PHKG1: variants seen among roughly 807,000 people sequenced by gnomAD.
The protein encoded by PHKG1 is phosphorylase kinase catalytic subunit gamma 1, also known as phosphorylase b kinase gamma catalytic chain, skeletal muscle/heart isoform.
In PHKG1, 48 loss-of-function variants were observed where a neutral mutation model predicts 50.5. That is an observed-to-expected ratio of 0.95 (90% CI 0.75 to 1.21). The LOEUF (loss-of-function observed/expected upper bound fraction) is 1.21, where lower values mean the gene tolerates loss of function less well. PHKG1 is among the 50% of genes most tolerant of loss of function. The pLI is 0.00. For missense variants in PHKG1, 487 were observed against 519.5 expected, an observed-to-expected ratio of 0.94 and a Z score of 0.61; for synonymous variants, 204 against 212.8, an observed-to-expected ratio of 0.96 and a Z score of 0.36.
At position 56,081,612 on chromosome 7, in the gene PHKG1, G is replaced by C; in HGVS notation, c.918+18C>G. The C allele has an allele frequency of 6.2e-7, 1 of 1,612,526 alleles. No homozygotes were observed. Among genetic ancestry groups the C allele is most frequent in the Non-Finnish European group, 8.5e-7 (1 of 1,179,392 alleles). Reference sequence around the variant, plus strand: ...TGCACTTAGGGAGCTGGCGGGCCTGGATCAGGACGCTTAGTACCTTGAACT... The same window carrying C: ...TGCACTTAGGGAGCTGGCGGGCCTGCATCAGGACGCTTAGTACCTTGAACT... On this transcript the variant is annotated intron_variant, in intron 9 of 9. Transcript: ENST00000297373. This position sits in a 1 kb window ranked among gnomAD's most constrained non-coding sequence, Gnocchi z 4.6.
chr7:56,088,524 TAA>T (rs59230050), intron 2 of PHKG1: 305 of 147,232 alleles, frequency 2.1e-3, no homozygotes, highest in South Asian at 5.9e-3. Flanking sequence ...GACCCTATCT[TAA>T]AAAAAAAAAA....
chr7:56,083,625 GA>G, intron 5 of PHKG1, 24 bp downstream of exon 5: 1 of 1,565,532 alleles, frequency 6.4e-7, no homozygotes. Flanking sequence ...GGAGGGAGCG[GA>G]GAGAAGGGCA....
At position 56,081,031 on chromosome 7, in the gene PHKG1, GCCCT is replaced by G. The variant is rs1478664616; in HGVS notation, c.*19_*22del. 6.3e-7 allele frequency: 1 copy of G among 1,596,198 alleles called. No homozygotes were observed. Among genetic ancestry groups the G allele is most frequent in the East Asian group, 2.2e-5 (1 of 44,806 alleles). ...GCTTCCCCTCCCCACCTGCCCCCTA[GCCCT>G]CCCTGACTGGCCAGCCCCTCAGTAG... On this transcript the variant is annotated 3_prime_UTR_variant, in exon 10 of 10. Transcript: ENST00000297373. This position sits in a 1 kb window ranked among gnomAD's most constrained non-coding sequence, Gnocchi z 4.6.
In PHKG1 at chr7:56,082,093, C is replaced by T. The variant is rs777211779; in HGVS notation, c.639-47G>A. The T allele has an allele frequency of 6.5e-5, 104 of 1,608,396 alleles. 1 individual carries two copies. Among genetic ancestry groups the T allele is most frequent in the Admixed American group, 8.4e-5 (5 of 59,666 alleles). ...GCCACTTACCCAGCGCCAGGGGCAC[C>T]GGCCCAGCCCTGCCTACTTCCTCCC... On this transcript the variant is annotated intron_variant, in intron 7 of 9. Coordinates refer to ENST00000297373, the MANE Select transcript of PHKG1 (RefSeq NM_006213.5).
At position 56,087,151 on chromosome 7, in the gene PHKG1, G is replaced by A. The variant is rs1796287571; in HGVS notation, c.263-127C>T. 7 of 724,772 alleles carry A rather than the reference G, an allele frequency of 9.7e-6. No individual in the cohort carries two copies. The South Asian group carries it at 1.1e-4, about 11-fold the overall frequency. 44.9% of individuals were successfully genotyped at this position (724,772 alleles called of 1,614,324 possible). On this transcript the variant is annotated intron_variant, in intron 3 of 9. Transcript: ENST00000297373. ...AAAAGCTGACAGGGGAATCAGGAGG[G>A]TGCTCAAAGACGTCAACCTGGGATG...
chr7:56,081,563 G>A lies in PHKG1; in HGVS notation c.918+67C>T. 6.4e-7 allele frequency: 1 copy of A among 1,573,602 alleles called. No homozygotes were observed. Among genetic ancestry groups the A allele is most frequent in the South Asian group, 1.1e-5 (1 of 89,072 alleles). ...AAATTCACGGGGTGTAAGGACTCCT[G>A]GGAGAGGAGGGGGCTTAGAGGTTTG... On this transcript the variant is annotated intron_variant, in intron 9 of 9. Coordinates refer to ENST00000297373, the MANE Select transcript of PHKG1 (RefSeq NM_006213.5). The surrounding 1 kb of genome is among the most constrained non-coding windows in gnomAD (Gnocchi z 4.6).
intron 6 of PHKG1, 86 bp downstream of exon 6, chr7:56,083,192 G>A (rs1433927373): frequency 8.3e-7 from 1 of 1,203,876 alleles, no homozygotes; most frequent in Non-Finnish European, 1.2e-6. Flanking sequence ...AATTAAGTTA[G>A]GGGAGAAACC....
intron 4 of PHKG1, chr7:56,084,316 A>G (rs1796156460): frequency 1.2e-6 from 1 of 847,448 alleles, no homozygotes; most frequent in Non-Finnish European, 1.9e-6. Flanking sequence ...AGAGGGGACT[A>G]TGAACCACTG....
chr7:56,092,448 T>G (rs1156566988), intron 1 of PHKG1, among the ~76,000 whole-genome samples: 1 of 152,194 alleles, frequency 6.6e-6, no homozygotes, highest in African/African-American at 2.4e-5. Flanking sequence ...AATTTTTGTA[T>G]TTTTAGTAGA....
At chr7:56,084,337 C>A in intron 4 of PHKG1, 1 of 685,730 alleles carries the variant, frequency 1.5e-6, no homozygotes, top group Non-Finnish European at 2.5e-6. Context: ...GCCCAGGACC[C>A]CAGACCCAGA....
Position 56,083,351 on chromosome 7 carries a change from C to T in PHKG1, c.474G>A (p.Leu158=). The T allele has an allele frequency of 6.2e-7, 1 of 1,614,126 alleles. No homozygotes were observed. Among genetic ancestry groups the T allele is most frequent in the Non-Finnish European group, 8.5e-7 (1 of 1,180,020 alleles). The change falls in exon 6 of 10, where the codon TTG becomes TTA. Residue 158 remains leucine, a synonymous_variant. Coordinates refer to ENST00000297373, the MANE Select transcript of PHKG1 (RefSeq NM_006213.5). ...TGAGCTTGATGTTCATGTTGTCATC[C>T]AAGAGAATGTTCTCGGGCTTCAGGT... The part of the protein sequence containing the change: ...HRDLKPENIL[L]DDNMNIKLTD...
intron 1 of PHKG1, among the ~76,000 whole-genome samples, chr7:56,092,466 T>C (rs1019544634): frequency 1.3e-5 from 2 of 152,140 alleles, no homozygotes; most frequent in East Asian, 1.9e-4. Context: ...AGATATGGGG[T>C]TTCACCATGT....
chr7:56,087,995 CT>C (rs34943237), intron 2 of PHKG1, among the ~76,000 whole-genome samples: 23,403 of 96,890 alleles, frequency 0.24, 2,063 homozygotes, highest in East Asian at 0.44. Flanking sequence ...CCGTGTGACT[CT>C]TTTTTTTTTT....
rs1192725633 is a variant in PHKG1 at position 56,081,703 on chromosome 7, G to C, written c.845C>G (p.Ala282Gly). Residue 282 changes from alanine (A) to glycine (G), a missense_variant, in exon 9 of 10, where the codon GCC (alanine) becomes GGC (glycine). By Grantham distance (60) the Ala-to-Gly change is moderately conservative. Transcript: ENST00000297373. This position sits in a 1 kb window ranked among gnomAD's most constrained non-coding sequence, Gnocchi z 4.6. ...CTGCTGGAAGAAGGGGTGTGCCAAG[G>C]CCTCTTCCGCTGTGTAGCGGTTCTG... ...QPQNRYTAEE[A>G]LAHPFFQQYL... The C allele has an allele frequency of 3.7e-6, 6 of 1,613,710 alleles. No individual in the cohort carries two copies. In the East Asian group the frequency reaches 8.9e-5, roughly 24 times the overall value.
At position 56,087,985 on chromosome 7, in the gene PHKG1, CCG is replaced by C. The variant is rs1160843733; in HGVS notation, c.84-211_84-210del. 3.2e-3 allele frequency among the ~76,000 whole-genome samples: 469 copies of C among 146,208 alleles called. 2 individuals are homozygous for C. The highest frequency in any genetic ancestry group is 0.011 in the African/African-American group (453 of 39,960). ...GGTGAGTAACAAGCCTGCTCTCAGG[CCG>C]TGTGACTCTTTTTTTTTTTTTTTTT... On this transcript the variant is annotated intron_variant, in intron 2 of 9. Transcript: ENST00000297373.
Position 56,082,010 on chromosome 7 carries a change from G to T in PHKG1, c.675C>A (p.Ala225=). The stretch of plus-strand genomic sequence containing the variant: ...TCCGGTGCCAGAAGGGCGGGGAGCC[G>T]GCCAGCAGCGTGTACATGATGACGC... The part of the protein sequence containing the change: ...STGVIMYTLL[A]GSPPFWHRKQ... The change falls in exon 8 of 10, where the codon GCC becomes GCA. Residue 225 remains alanine, a synonymous_variant. Coordinates refer to ENST00000297373, the MANE Select transcript of PHKG1 (RefSeq NM_006213.5). 2.5e-6 allele frequency: 4 copies of T among 1,613,896 alleles called. No individual in the cohort carries two copies. In the South Asian group the frequency reaches 4.4e-5, roughly 18 times the overall value.
chr7:56,089,056 C>A, intron 1 of PHKG1, 81 bp from the exon 2 acceptor site: 2 of 672,122 alleles, frequency 3.0e-6, no homozygotes, highest in Non-Finnish European at 2.7e-6. Context: ...GTTTCTCACT[C>A]ATCCTTACAT....
Position 56,080,338 on chromosome 7 carries a change from A to ACT in PHKG1, c.*714_*715dup. 7.1e-6 allele frequency: 1 copy of ACT among 141,110 alleles called. No homozygotes were observed. Among genetic ancestry groups the ACT allele is most frequent in the East Asian group, 2.1e-4 (1 of 4,698 alleles). 8.7% of individuals were successfully genotyped at this position (141,110 alleles called of 1,614,324 possible). A position where few individuals can be genotyped will look rare whatever the true frequency, so the allele number is the denominator to read the frequency against. Reference sequence around the variant, plus strand: ...TAGAGTGCACTGGTGATCACGGCTCACTCTAGCCTTGAATTCCTGGGCCCA... The same window carrying ACT: ...TAGAGTGCACTGGTGATCACGGCTCACTCTCTAGCCTTGAATTCCTGGGCCCA... On this transcript the variant is annotated 3_prime_UTR_variant, in exon 10 of 10. Transcript: ENST00000297373.
At position 56,081,981 on chromosome 7, in the gene PHKG1, T is replaced by G; in HGVS notation, c.704A>C (p.Gln235Pro). The change falls in exon 8 of 10, where the codon CAG becomes CCG. Residue 235 changes from glutamine to proline, a missense_variant. By Grantham distance (76) the Gln-to-Pro change is moderately conservative (BLOSUM62 -1). Coordinates refer to ENST00000297373, the MANE Select transcript of PHKG1 (RefSeq NM_006213.5). This position sits in a 1 kb window ranked among gnomAD's most constrained non-coding sequence, Gnocchi z 4.6. ...CATGATCATCCTCAGCATCAGCATCTGCTTCCGGTGCCAGAAGGGCGGGGA... is the reference window on the plus strand; with the variant it reads ...CATGATCATCCTCAGCATCAGCATCGGCTTCCGGTGCCAGAAGGGCGGGGA... ...AGSPPFWHRK[Q>P]MLMLRMIMSG... 2 of 1,613,922 alleles carry G rather than the reference T, an allele frequency of 1.2e-6. No homozygotes were observed. The highest frequency in any genetic ancestry group is 1.7e-6 in the Non-Finnish European group (2 of 1,180,006).
Sources: allele counts gnomAD v4.1 joint callset (sites outside exome capture counted in the v4.1 genomes callset), GRCh38; gene constraint gnomAD v4.1.1; non-coding constraint Gnocchi (gnomAD v3.1); transcripts MANE v1.5; gene names NCBI Gene and HGNC (gene_info 2026-07-23, HGNC 2026-07-21).